Variants in IKBKG observed in about 807,000 individuals in gnomAD.
The protein encoded by IKBKG is inhibitor of nuclear factor kappa B kinase regulatory subunit gamma.
Under a neutral mutation model 13.7 loss-of-function variants are expected in IKBKG, and 2 were observed. That is an observed-to-expected ratio of 0.15 (90% CI 0.06 to 0.46). IKBKG has a LOEUF of 0.46. Among genes scored for constraint, IKBKG ranks in the 20% least tolerant of loss-of-function variants. IKBKG has a pLI of 0.98. For synonymous variants in IKBKG, 22 were observed against 64.4 expected (o/e 0.34, Z 3.15); for missense variants, 53 against 150.3 (o/e 0.35, Z 3.39).
intron 1 of IKBKG, chrX:154,547,991 C>T (rs956479198): frequency 5.3e-6 from 4 of 753,747 alleles, no homozygotes; most frequent in Non-Finnish European, 6.3e-6. Context: ...TGTGAGGACT[C>T]CTCTAGTTCA....
intron 1 of IKBKG, among the ~76,000 whole-genome samples, chrX:154,551,495 C>T (rs1007767783): frequency 4.5e-5 from 5 of 111,506 alleles, no homozygotes; most frequent in Admixed American, 1.9e-4. Flanking sequence ...GGATTTAGGG[C>T]CCACCCACGT....
upstream of IKBKG, chrX:154,542,464 G>C (rs782614320): frequency 1.7e-6 from 2 of 1,168,932 alleles, no homozygotes; most frequent in South Asian, 2.0e-5. Flanking sequence ...TAAGTACCTC[G>C]GCTCCCTTTC....
At chrX:154,555,868 C>CCCCACCCAGCCAAAAATAAAA (rs1557235941) in intron 2 of IKBKG, among the ~76,000 whole-genome samples, 1 of 113,129 alleles carries the variant, frequency 8.8e-6, no homozygotes, top group African/African-American at 3.2e-5. Context: ...GCATGAGCCA[C>CCCCACCCAGCCAAAAATAAAA]AGTGCCTGGC....
upstream of IKBKG, chrX:154,547,045 G>C (rs1557233735): frequency 1.1e-5 from 2 of 184,247 alleles, no homozygotes; most frequent in East Asian, 2.3e-4. Flanking sequence ...AGGCCGGCCC[G>C]CCGGCTGCCT....
upstream of IKBKG, among the ~76,000 whole-genome samples, chrX:154,544,564 G>A (rs2070637283): frequency 8.9e-6 from 1 of 112,614 alleles, no homozygotes; most frequent in South Asian, 3.5e-4. Context: ...CAAAGTGCTG[G>A]GAATACAGGC....
chrX:154,542,319 A>C, exon 2 of IKBKG: 1 of 1,187,460 alleles, frequency 8.4e-7, no homozygotes, highest in African/African-American at 1.7e-5. Flanking sequence ...AGGACCCCGC[A>C]GACTATCAAT....
At chrX:154,551,059 G>A (rs972466699) in intron 1 of IKBKG, among the ~76,000 whole-genome samples, 1 of 109,173 alleles carries the variant, frequency 9.2e-6, no homozygotes, top group African/African-American at 3.4e-5. Flanking sequence ...TGATCCACCC[G>A]TGTCGGCCTC....
In IKBKG at chrX:154,552,034, G is replaced by A. The variant is rs2070946523; in HGVS notation, c.32G>A (p.Cys11Tyr). The change falls in exon 2 of 10, where the codon TGT (cysteine) becomes TAT (tyrosine). Residue 11 changes from cysteine to tyrosine, a missense_variant. By Grantham distance (194) the Cys-to-Tyr change is radical. This residue lies in a region of IKBKG where 47 missense variants were observed against 50.0 expected (regional missense o/e 0.94). Coordinates refer to ENST00000594239, the MANE Select transcript of IKBKG (RefSeq NM_001099857.5). MNRHLWKSQL[C>Y]EMVQPSGGPA... is the part of the protein sequence containing the mutation. ...AGGCACCTCTGGAAGAGCCAACTGT[G>A]TGAGATGGTGCAGCCCAGTGGTGGC... 2 of 1,131,626 alleles carry A rather than the reference G, an allele frequency of 1.8e-6. No homozygotes were observed. The highest frequency in any genetic ancestry group is 1.2e-6 in the Non-Finnish European group (1 of 849,554). The allele number at this position is 1,131,626 out of a possible 1,213,427, so 93.3% of individuals were successfully genotyped here. A position where few individuals can be genotyped will look rare whatever the true frequency, so the allele number is the denominator to read the frequency against.
At chrX:154,547,992 CTCTAGTTCAGAGACATAT>C (rs1254901016) in intron 1 of IKBKG, 30 of 753,806 alleles carry the variant, frequency 4.0e-5, no homozygotes, top group Non-Finnish European at 4.4e-5. Flanking sequence ...GTGAGGACTC[CTCTAGTTCAGAGACATAT>C]TCTGTTCACC....
At chrX:154,547,131 C>T, upstream of IKBKG, 1 of 149,218 alleles carries the variant, frequency 6.7e-6, no homozygotes, top group Non-Finnish European at 1.2e-5. Context: ...GCTCCCGCAT[C>T]CCCATCGCCG....
exon 2 of IKBKG, chrX:154,542,348 C>T (rs782763580): frequency 5.8e-6 from 7 of 1,202,076 alleles, no homozygotes; most frequent in South Asian, 1.8e-5. Context: ...CTTCCCCTCA[C>T]TCCCTGTGAA....
chrX:154,554,710 C>T (rs1483856670), intron 2 of IKBKG, among the ~76,000 whole-genome samples: 1 of 110,857 alleles, frequency 9.0e-6, no homozygotes, highest in Non-Finnish European at 1.9e-5. Flanking sequence ...GAGCTGAGAT[C>T]GCGCCACTGC....
upstream of IKBKG, chrX:154,546,663 T>G: frequency 3.6e-6 from 2 of 559,212 alleles, no homozygotes; most frequent in Non-Finnish European, 5.5e-6. Flanking sequence ...TATAAAGGGA[T>G]TGGTTAAGAC....
At chrX:154,547,977 C>G in intron 1 of IKBKG, 1 of 755,014 alleles carries the variant, frequency 1.3e-6, no homozygotes, top group Non-Finnish European at 1.6e-6. Flanking sequence ...GACCCTACTC[C>G]TTGTGTGAGG....
At chrX:154,546,409 G>A (rs893437876), upstream of IKBKG, among the ~76,000 whole-genome samples, 2 of 112,137 alleles carry the variant, frequency 1.8e-5, no homozygotes, top group African/African-American at 3.2e-5. Flanking sequence ...TCAAAGCATT[G>A]GTGTATTCCG....
upstream of IKBKG, chrX:154,546,728 G>A: frequency 2.1e-6 from 2 of 937,382 alleles, no homozygotes; most frequent in Non-Finnish European, 2.9e-6. Context: ...TTTTACCGCC[G>A]CGCGGCGCAG....
upstream of IKBKG, among the ~76,000 whole-genome samples, chrX:154,543,680 G>A (rs782323505): frequency 3.5e-4 from 39 of 110,619 alleles, no homozygotes; most frequent in African/African-American, 1.3e-3. Flanking sequence ...GCTGATGCAG[G>A]TATGGCTCTT....
chrX:154,550,588 C>T (rs1557234808), intron 1 of IKBKG, among the ~76,000 whole-genome samples: 1 of 109,145 alleles, frequency 9.2e-6, no homozygotes, highest in Non-Finnish European at 1.9e-5. Flanking sequence ...CCTGGGGCAG[C>T]CCAACATGAA....
upstream of IKBKG, chrX:154,546,800 C>T: frequency 1.7e-6 from 2 of 1,162,128 alleles, no homozygotes; most frequent in Non-Finnish European, 2.3e-6. Context: ...TGCGCTTCGT[C>T]GTCGTCGCCC....
Sources: allele counts gnomAD v4.1 joint callset (sites outside exome capture counted in the v4.1 genomes callset), GRCh38; gene constraint gnomAD v4.1.1; regional missense constraint gnomAD v4.1.1; transcripts MANE v1.5; gene names NCBI Gene and HGNC (gene_info 2026-07-23, HGNC 2026-07-21).